Variants in FCSK observed in about 807,000 individuals in gnomAD.
FCSK encodes the protein fucose kinase.
Under a neutral mutation model 122.5 loss-of-function variants are expected in FCSK, and 123 were observed. The ratio of observed to expected loss-of-function variants is 1.00; its 90% CI spans 0.87 to 1.17. The LOEUF is 1.17. Ranked by LOEUF, FCSK falls within the 50% of genes most tolerant of loss-of-function variation. FCSK has a pLI of 0.00. For synonymous variants in FCSK, 620 were observed against 625.5 expected, an observed-to-expected ratio of 0.99 and a Z score of 0.13; for missense variants, 1,366 against 1,450.4, an observed-to-expected ratio of 0.94 and a Z score of 0.95.
At chr16:70,460,851 C>T (rs1038671699) in intron 1 of FCSK, among the ~76,000 whole-genome samples, 2 of 152,196 alleles carry the variant, frequency 1.3e-5, no homozygotes, top group Admixed American at 6.5e-5. Context: ...AGATTCAGAT[C>T]GTAGCAGCTG....
chr16:70,461,605 C>G (rs960358010), intron 1 of FCSK, among the ~76,000 whole-genome samples: 3 of 152,180 alleles, frequency 2.0e-5, no homozygotes, highest in Non-Finnish European at 2.9e-5. Context: ...TCTCCAAGTG[C>G]CTGCTCCTGC....
Position 70,474,909 on chromosome 16 carries a change from G to A in FCSK, c.2275G>A (p.Glu759Lys), listed in dbSNP as rs778409956. ...GARARRIPEP[E>K]LWLAVGPRQD... The stretch of plus-strand genomic sequence containing the variant: ...CAGGGCACGCCGCATCCCGGAGCCT[G>A]AGCTGTGGCTGGCGGTGGGGCCTCG... The change falls in exon 18 of 24, where the codon GAG becomes AAG. Residue 759 changes from glutamate to lysine, a missense_variant. Coordinates refer to ENST00000288078, the MANE Select transcript of FCSK (RefSeq NM_145059.3). 3 of 1,610,780 alleles carry A rather than the reference G, an allele frequency of 1.9e-6. No individual in the cohort carries two copies. The highest frequency in any genetic ancestry group is 4.5e-5 in the East Asian group (2 of 44,786).
rs377358528 is a variant in FCSK at position 70,466,199 on chromosome 16, C to T, written c.353C>T (p.Ala118Val). 1.2e-6 allele frequency: 2 copies of T among 1,613,748 alleles called. No homozygotes were observed. Among genetic ancestry groups the T allele is most frequent in the Non-Finnish European group, 8.5e-7 (1 of 1,179,898 alleles). The change falls in exon 5 of 24, where the codon GCC becomes GTC. Residue 118 changes from alanine (A) to valine (V), a missense_variant. Coordinates refer to ENST00000288078, the MANE Select transcript of FCSK (RefSeq NM_145059.3). ...FTCLPVENPE[A>V]PVEALVCNLD... ...TGCCTCCCCGTGGAGAACCCCGAGGCCCCCGTGGAAGCCTTGGTCTGCAAC... is the reference window on the plus strand; with the variant it reads ...TGCCTCCCCGTGGAGAACCCCGAGGTCCCCGTGGAAGCCTTGGTCTGCAAC...
intron 4 of FCSK, among the ~76,000 whole-genome samples, chr16:70,465,758 C>G (rs1331198141): frequency 6.6e-6 from 1 of 151,912 alleles, no homozygotes; most frequent in Non-Finnish European, 1.5e-5. Flanking sequence ...TTGAGATCAG[C>G]CTGGCCAGCA....
At chr16:70,469,552 G>T (rs1313968477) in intron 10 of FCSK, among the ~76,000 whole-genome samples, 9 of 151,230 alleles carry the variant, frequency 6.0e-5, no homozygotes, top group South Asian at 2.1e-4. Flanking sequence ...GTTTTTTTTT[G>T]TTTGTTTGTT....
chr16:70,478,587 G>T lies in FCSK; in HGVS notation c.2866G>T (p.Val956Leu). The T allele has an allele frequency of 6.2e-7, 1 of 1,613,824 alleles. No homozygotes were observed. Among genetic ancestry groups the T allele is most frequent in the African/African-American group, 1.3e-5 (1 of 75,074 alleles). ...GAGCTGGTATGCCCGACTTCCTGCT[G>T]TGGTGCAGAATGCCCACAGCCTGGT... ...LRSWYARLPAVVQNAHSLVRQ... is the reference protein window; with the variant it reads ...LRSWYARLPALVQNAHSLVRQ... Residue 956 changes from valine (V) to leucine (L), a missense_variant, in exon 22 of 24, where the codon GTG (valine) becomes TTG (leucine). Transcript: ENST00000288078.
intron 7 of FCSK, 188 bp downstream of exon 7, chr16:70,467,659 C>T (rs778001328): frequency 4.5e-4 from 283 of 634,042 alleles, no homozygotes; most frequent in Non-Finnish European, 7.5e-4. Flanking sequence ...TCACACCGAC[C>T]GCCTGTCCAG....
intron 8 of FCSK, among the ~76,000 whole-genome samples, chr16:70,468,382 T>C (rs773674816): frequency 2.6e-5 from 4 of 152,344 alleles, no homozygotes; most frequent in South Asian, 2.1e-4. Context: ...ATCGTGCCAC[T>C]GCACTTCAGC....
At chr16:70,457,564 GTTTC>G (rs146101067) in intron 1 of FCSK, among the ~76,000 whole-genome samples, 6,143 of 151,476 alleles carry the variant, frequency 0.041, 420 homozygotes, top group African/African-American at 0.14. Flanking sequence ...CATTTCAAGG[GTTTC>G]TTTCTTTCTT....
Position 70,466,882 on chromosome 16 carries a change from C to T in FCSK, c.412C>T (p.Leu138=). ...DCLLDIMTYR[L]GPGSPPGVWV... is the part of the protein sequence containing the mutation. ...GTGTTCTGTCTCCTTCCCCCCACAG[C>T]TGGGCCCGGGCTCCCCGCCAGGCGT... The change falls in exon 6 of 24, where the codon CTG becomes TTG. Residue 138 remains leucine (L), a splice_region_variant and synonymous_variant. Transcript: ENST00000288078. The T allele has an allele frequency of 3.1e-6, 5 of 1,613,026 alleles. No individual in the cohort carries two copies. Among genetic ancestry groups the T allele is most frequent in the Non-Finnish European group, 4.2e-6 (5 of 1,179,668 alleles).
At position 70,463,290 on chromosome 16, in the gene FCSK, C is replaced by T. The variant is rs1445781889; in HGVS notation, c.82+18C>T. The T allele has an allele frequency of 1.3e-6, 2 of 1,598,860 alleles. No individual in the cohort carries two copies. Reference sequence around the variant, plus strand: ...TCAGAGAGGTAGGGGACTCCCCTTCCCACCTTGCCCCTAATGGAGAACCTC... The same window carrying T: ...TCAGAGAGGTAGGGGACTCCCCTTCTCACCTTGCCCCTAATGGAGAACCTC... On this transcript the variant is annotated intron_variant, in intron 2 of 23. Coordinates refer to ENST00000288078, the MANE Select transcript of FCSK (RefSeq NM_145059.3).
At position 70,472,913 on chromosome 16, in the gene FCSK, G is replaced by C. The variant is rs544963081; in HGVS notation, c.1407-70G>C. 21 of 1,503,566 alleles carry C rather than the reference G, an allele frequency of 1.4e-5. No individual in the cohort carries two copies. The South Asian group carries it at 2.2e-4, about 16-fold the overall frequency. 93.1% of individuals were successfully genotyped at this position (1,503,566 alleles called of 1,614,324 possible). On this transcript the variant is annotated intron_variant, in intron 14 of 23. Transcript: ENST00000288078. ...GTCCTGTCCCCATGAACTGACAGGCGGCTCAGGGCTTGGGGAAGAGACTGG... is the reference window on the plus strand; with the variant it reads ...GTCCTGTCCCCATGAACTGACAGGCCGCTCAGGGCTTGGGGAAGAGACTGG...
In FCSK at chr16:70,478,535, C is replaced by A. The variant is rs1350147696; in HGVS notation, c.2830-16C>A. 3.7e-6 allele frequency: 6 copies of A among 1,613,546 alleles called. No individual in the cohort carries two copies. In the East Asian group the frequency reaches 1.3e-4, roughly 36 times the overall value. ...GGCCTGGGTCCTCACCACCCCTTCTCCTGCCCCGTCCGCAGGATGTGCTGA... is the reference window on the plus strand; with the variant it reads ...GGCCTGGGTCCTCACCACCCCTTCTACTGCCCCGTCCGCAGGATGTGCTGA... On this transcript the variant is annotated splice_polypyrimidine_tract_variant and intron_variant, in intron 21 of 23. Coordinates refer to ENST00000288078, the MANE Select transcript of FCSK (RefSeq NM_145059.3).
chr16:70,463,589 G>C (rs1431857384), intron 2 of FCSK, 34 bp from the exon 3 acceptor site: 1 of 1,609,088 alleles, frequency 6.2e-7, no homozygotes, highest in Non-Finnish European at 8.5e-7. Context: ...GCAGAGAGCT[G>C]GGGGGCAGGT....
At chr16:70,471,132 G>T (rs1214284762) in intron 12 of FCSK, 50 bp from the exon 13 acceptor site, 1 of 1,591,164 alleles carries the variant, frequency 6.3e-7, no homozygotes, top group South Asian at 1.1e-5. Flanking sequence ...CATGTGTTGG[G>T]GGGTGTTGGG....
At chr16:70,475,065 C>T in intron 18 of FCSK, 54 bp downstream of exon 18, 1 of 1,487,836 alleles carries the variant, frequency 6.7e-7, no homozygotes, top group Non-Finnish European at 9.0e-7. Context: ...GGGCTCGGGG[C>T]AGAAGCTAGA....
At position 70,462,834 on chromosome 16, in the gene FCSK, G is replaced by T. The variant is rs562783565; in HGVS notation, c.-22-335G>T. Among the ~76,000 whole-genome samples, 5 of 151,126 alleles carry T rather than the reference G, an allele frequency of 3.3e-5. No individual in the cohort carries two copies. The East Asian group carries it at 9.8e-4, about 30-fold the overall frequency. Reference sequence around the variant, plus strand: ...TAATTTTTGTATTTTTAGTAGAGACGGGGTTTCACCATGTTGGCCAGGCTG... The same window carrying T: ...TAATTTTTGTATTTTTAGTAGAGACTGGGTTTCACCATGTTGGCCAGGCTG... On this transcript the variant is annotated intron_variant, in intron 1 of 23. Coordinates refer to ENST00000288078, the MANE Select transcript of FCSK (RefSeq NM_145059.3).
intron 8 of FCSK, 77 bp downstream of exon 8, chr16:70,468,043 T>A (rs1406297699): frequency 1.0e-5 from 11 of 1,091,104 alleles, no homozygotes. Context: ...TTCCTTCGAT[T>A]CCTTCTAGAA....
intron 13 of FCSK, among the ~76,000 whole-genome samples, 194 bp from the exon 14 acceptor site, chr16:70,472,334 CTGGGAGGCCGAGG>C (rs1462140291): frequency 6.6e-6 from 1 of 152,164 alleles, no homozygotes; most frequent in African/African-American, 2.4e-5. Context: ...TCTCAACACT[CTGGGAGGCCGAGG>C]TGGGAGGCCA....
Sources: gnomAD v4.1 joint callset for allele counts (sites outside exome capture counted in the v4.1 genomes callset) on GRCh38, gnomAD v4.1.1 for gene constraint, MANE v1.5 for transcripts, NCBI Gene and HGNC (gene_info 2026-07-23, HGNC 2026-07-21) for gene names.